Variants in LCP2 observed in about 807,000 individuals in gnomAD.
LCP2 encodes the protein lymphocyte cytosolic protein 2.
A neutral mutation model predicts 74.5 loss-of-function variants in LCP2; 29 were observed. That is an observed-to-expected ratio of 0.39 (90% CI 0.29 to 0.53). The LOEUF (loss-of-function observed/expected upper bound fraction) is 0.53, where lower values mean the gene tolerates loss of function less well. LCP2 is among the 20% of genes least tolerant of loss of function. The pLI is 0.72. For synonymous variants in LCP2, 228 were observed against 229.5 expected, an observed-to-expected ratio of 0.99 and a Z score of 0.06; for missense variants, 604 against 634.6, an observed-to-expected ratio of 0.95 and a Z score of 0.52.
chr5:170,278,350 G>A (rs1290031504), intron 3 of LCP2, among the ~76,000 whole-genome samples: 2 of 51,220 alleles, frequency 3.9e-5, no homozygotes, highest in African/African-American at 1.7e-4. Flanking sequence ...TGCAGGGGGG[G>A]GCTGGGGGGG....
At chr5:170,280,731 G>A (rs1762085569) in intron 3 of LCP2, among the ~76,000 whole-genome samples, 1 of 152,184 alleles carries the variant, frequency 6.6e-6, no homozygotes. Flanking sequence ...GGGCTGGCCA[G>A]GTGTGGTGGC....
chr5:170,251,420 C>CT (rs889183918), intron 19 of LCP2: 1 of 212,898 alleles, frequency 4.7e-6, no homozygotes, highest in East Asian at 1.1e-4. Flanking sequence ...CTTTTCTTTT[C>CT]TTTTTTCTGA....
At chr5:170,293,229 G>T in intron 2 of LCP2, 81 bp downstream of exon 2, 1 of 1,369,240 alleles carries the variant, frequency 7.3e-7, no homozygotes, top group East Asian at 2.5e-5. Context: ...CCAGGGAAAG[G>T]GTAGGCCAGT....
chr5:170,248,783 T>G lies in LCP2; in HGVS notation c.1516A>C (p.Arg506=). Residue 506 remains arginine, a synonymous_variant, in exon 21 of 21, where the codon AGG becomes CGG. Transcript: ENST00000046794. ...LSVSDIIDYF[R]KMPLLLIDGK... ...TCAATGAGCAGAAGTGGCATTTTCC[T>G]GAAGTAGTCAATAATATCTGACACA... The G allele has an allele frequency of 6.2e-7, 1 of 1,612,528 alleles. No homozygotes were observed. Among genetic ancestry groups the G allele is most frequent in the Non-Finnish European group, 8.5e-7 (1 of 1,179,136 alleles).
intron 8 of LCP2, among the ~76,000 whole-genome samples, chr5:170,267,710 A>G (rs1761794387): frequency 6.6e-6 from 1 of 151,894 alleles, no homozygotes; most frequent in Admixed American, 6.6e-5. Flanking sequence ...GAAAGCAGGG[A>G]CCTTATTTAT....
At chr5:170,280,335 C>T (rs901356394) in intron 3 of LCP2, among the ~76,000 whole-genome samples, 1 of 152,120 alleles carries the variant, frequency 6.6e-6, no homozygotes, top group Non-Finnish European at 1.5e-5. Flanking sequence ...CCTCCCCACC[C>T]CTCCTCCCTG....
At chr5:170,255,137 C>T (rs1205796058) in intron 17 of LCP2, among the ~76,000 whole-genome samples, 1 of 151,858 alleles carries the variant, frequency 6.6e-6, no homozygotes. Context: ...GTTTGCAAAA[C>T]ACAGAGAATT....
At chr5:170,265,980 AT>A (rs1250730690) in intron 10 of LCP2, among the ~76,000 whole-genome samples, 5 of 152,214 alleles carry the variant, frequency 3.3e-5, no homozygotes, top group African/African-American at 1.2e-4. Flanking sequence ...ATTTAGGCAA[AT>A]TTAGGCAAAT....
chr5:170,290,979 AG>A (rs1762282244), intron 2 of LCP2, among the ~76,000 whole-genome samples: 1 of 93,810 alleles, frequency 1.1e-5, no homozygotes, highest in Non-Finnish European at 2.3e-5. Context: ...AAAGAAAGAA[AG>A]AAAGAAAGAA....
chr5:170,286,227 A>G (rs535748620), intron 3 of LCP2, among the ~76,000 whole-genome samples: 10 of 152,218 alleles, frequency 6.6e-5, no homozygotes, highest in Non-Finnish European at 1.0e-4. Context: ...ACAAATCCCA[A>G]CTAAACAGGG....
At chr5:170,262,934 C>G (rs1195530952) in intron 11 of LCP2, 33 bp downstream of exon 11, 1 of 1,613,994 alleles carries the variant, frequency 6.2e-7, no homozygotes, top group Non-Finnish European at 8.5e-7. Context: ...GTGAAACAAA[C>G]AAACACAACC....
Position 170,288,082 on chromosome 5 carries a change from A to T in LCP2, c.142-66T>A, listed in dbSNP as rs55952244. On this transcript the variant is annotated intron_variant, in intron 2 of 20. Transcript: ENST00000046794. ...AGAAAGGGCTCTGAGCAGGAGGGGAAGAGTGATACGTGAAACAATATAGGG... is the reference window on the plus strand; with the variant it reads ...AGAAAGGGCTCTGAGCAGGAGGGGATGAGTGATACGTGAAACAATATAGGG... The T allele has an allele frequency of 4.5e-5, 68 of 1,500,620 alleles. No homozygotes were observed. The East Asian group carries it at 1.5e-3, about 33-fold the overall frequency. 93.0% of individuals were successfully genotyped at this position (1,500,620 alleles called of 1,614,324 possible). A position where few individuals can be genotyped will look rare whatever the true frequency, so the allele number is the denominator to read the frequency against.
chr5:170,284,753 CTTTT>C (rs35520354), intron 3 of LCP2, among the ~76,000 whole-genome samples: 1 of 137,870 alleles, frequency 7.3e-6, no homozygotes, highest in African/African-American at 2.7e-5. Context: ...TTCCTTGATG[CTTTT>C]TTTTTTTTTT....
Position 170,280,325 on chromosome 5 carries a change from C to A in LCP2, c.189-4465G>T, listed in dbSNP as rs989977604. Among the ~76,000 whole-genome samples, 24 of 152,196 alleles carry A rather than the reference C, an allele frequency of 1.6e-4. No homozygotes were observed. In the East Asian group the frequency reaches 3.1e-3, roughly 20 times the overall value. On this transcript the variant is annotated intron_variant, in intron 3 of 20. Transcript: ENST00000046794. ...AGTGGGACCCTGGAACTCTCCTTCT[C>A]CTCCCCACCCCTCCTCCCTGCACAC...
chr5:170,296,886 A>G (rs1302186865), intron 1 of LCP2, among the ~76,000 whole-genome samples: 1 of 152,260 alleles, frequency 6.6e-6, no homozygotes, highest in Middle Eastern at 3.4e-3. Flanking sequence ...AGACTCTCAT[A>G]AGGCTCCAAG....
In LCP2 at chr5:170,286,718, C is replaced by G. The variant is rs540837797; in HGVS notation, c.188+1252G>C. Among the ~76,000 whole-genome samples, 12 of 152,324 alleles carry G rather than the reference C, an allele frequency of 7.9e-5. No homozygotes were observed. In the East Asian group the frequency reaches 1.9e-3, roughly 24 times the overall value. ...TCCTTATTCCTCTCTTTTCCCTCCC[C>G]CTTCCGGACAAGGGAAACCCTATAG... On this transcript the variant is annotated intron_variant, in intron 3 of 20. Coordinates refer to ENST00000046794, the MANE Select transcript of LCP2 (RefSeq NM_005565.5).
Position 170,258,021 on chromosome 5 carries a change from T to C in LCP2, c.1100+16A>G, listed in dbSNP as rs2113159510. ...AACATTATATTAAGCTAGAATTTCA[T>C]GACAGAGCTACAAACCTTTCTGAGA... On this transcript the variant is annotated intron_variant, in intron 16 of 20. Coordinates refer to ENST00000046794, the MANE Select transcript of LCP2 (RefSeq NM_005565.5). 2 of 1,613,334 alleles carry C rather than the reference T, an allele frequency of 1.2e-6. No homozygotes were observed. The highest frequency in any genetic ancestry group is 1.7e-4 in the Middle Eastern group (1 of 6,060).
At chr5:170,252,356 T>C (rs1286731144) in intron 19 of LCP2, 78 bp downstream of exon 19, 11 of 777,210 alleles carry the variant, frequency 1.4e-5, no homozygotes, top group Middle Eastern at 2.3e-4. Flanking sequence ...TAGCCTGTAA[T>C]TGGTACTCAG....
At chr5:170,289,621 C>T (rs142229463) in intron 2 of LCP2, among the ~76,000 whole-genome samples, 294 of 75,848 alleles carry the variant, frequency 3.9e-3, no homozygotes, top group East Asian at 8.2e-3. Flanking sequence ...CTTTCTTTTT[C>T]TTTCTTTCTT....
Sources: gnomAD v4.1 joint callset for allele counts (sites outside exome capture counted in the v4.1 genomes callset) on GRCh38, gnomAD v4.1.1 for gene constraint, MANE v1.5 for transcripts, NCBI Gene and HGNC (gene_info 2026-07-23, HGNC 2026-07-21) for gene names.